The following HDAC4 variants were observed in gnomAD, a reference collection of about 807,000 sequenced individuals.
HDAC4 encodes the protein histone deacetylase A.
Under a neutral mutation model 135.1 loss-of-function variants are expected in HDAC4, and 16 were observed. The ratio of observed to expected loss-of-function variants is 0.12; its 90% CI spans 0.08 to 0.18. HDAC4 has a LOEUF of 0.18. Ranked by LOEUF, HDAC4 falls within the 10% of genes least tolerant of loss-of-function variation. The pLI is 1.00. For synonymous variants in HDAC4, 685 were observed against 653.4 expected, an observed-to-expected ratio of 1.05 and a Z score of -0.74; for missense variants, 1,143 against 1,511.8, an observed-to-expected ratio of 0.76 and a Z score of 4.05.
At chr2:239,354,415 C>G (rs1693355481) in intron 1 of HDAC4, among the ~76,000 whole-genome samples, 1 of 152,168 alleles carries the variant, frequency 6.6e-6, no homozygotes. Context: ...AGATCAGTCA[C>G]TAGATGAACC....
chr2:239,293,765 G>C (rs2051678004), intron 2 of HDAC4, among the ~76,000 whole-genome samples: 1 of 152,208 alleles, frequency 6.6e-6, no homozygotes, highest in Non-Finnish European at 1.5e-5. Flanking sequence ...TATACTGGGA[G>C]GCTAACCTGT....
intron 5 of HDAC4, among the ~76,000 whole-genome samples, chr2:239,164,695 C>T (rs1411871325): frequency 1.3e-5 from 2 of 152,184 alleles, no homozygotes; most frequent in Non-Finnish European, 2.9e-5. Flanking sequence ...ATTCAGATAG[C>T]GTTTGTAATG....
At chr2:239,301,831 C>CA (rs2052288870) in intron 2 of HDAC4, among the ~76,000 whole-genome samples, 1 of 152,166 alleles carries the variant, frequency 6.6e-6, no homozygotes, top group Non-Finnish European at 1.5e-5. Context: ...TCAAATACTA[C>CA]AATGCTACTG....
At chr2:239,191,094 C>A in intron 3 of HDAC4, 1 of 437,298 alleles carries the variant, frequency 2.3e-6, no homozygotes, top group Non-Finnish European at 4.7e-6. Flanking sequence ...CCTGCCTGCT[C>A]CCCTCCCACA....
In HDAC4 at chr2:239,167,444, G is replaced by A. The variant is rs2043180982; in HGVS notation, c.491-3521C>T. 6.6e-6 allele frequency among the ~76,000 whole-genome samples: 1 copy of A among 152,182 alleles called. No homozygotes were observed. The highest frequency in any genetic ancestry group is 1.5e-5 in the Non-Finnish European group (1 of 68,036). On this transcript the variant is annotated intron_variant, in intron 5 of 26. Transcript: ENST00000543185. This position sits in a 1 kb window ranked among gnomAD's most constrained non-coding sequence, Gnocchi z 4.1. The stretch of plus-strand genomic sequence containing the variant: ...TGCAGTGGGGGGCAGACATGACTGG[G>A]GTTCACACCCCACCCATGCCCAGCA...
chr2:239,129,193 A>C (rs1420666769), intron 11 of HDAC4, among the ~76,000 whole-genome samples: 1 of 152,160 alleles, frequency 6.6e-6, no homozygotes, highest in Non-Finnish European at 1.5e-5. Flanking sequence ...TGCAAAACCC[A>C]GGGCCGCCAT....
chr2:239,254,906 G>C (rs1187087502), intron 2 of HDAC4, among the ~76,000 whole-genome samples: 1 of 152,226 alleles, frequency 6.6e-6, no homozygotes, highest in Non-Finnish European at 1.5e-5. Context: ...AGGAAAGTTA[G>C]ATGATCTAAG....
chr2:239,312,608 C>T (rs758705965), intron 2 of HDAC4, among the ~76,000 whole-genome samples: 10 of 152,196 alleles, frequency 6.6e-5, no homozygotes, highest in Non-Finnish European at 1.2e-4. Flanking sequence ...TTCCTCTATG[C>T]GTCCAATGAA....
chr2:239,137,500 G>C (rs2041051724), intron 9 of HDAC4, among the ~76,000 whole-genome samples: 1 of 152,142 alleles, frequency 6.6e-6, no homozygotes, highest in Non-Finnish European at 1.5e-5. Flanking sequence ...TGGCACTGTA[G>C]AGGAGGAGGT....
chr2:239,352,809 G>A lies in HDAC4; in HGVS notation c.-110C>T, dbSNP rs376267808. ...CACCAACACATACAAGTACCGGGAC[G>A]GTGAGGGCTGGGTCACAGACGTTCA... is the stretch of plus-strand genomic sequence containing the variant. On this transcript the variant is annotated 5_prime_UTR_variant, in exon 2 of 27. Transcript: ENST00000543185. The surrounding 1 kb of genome is among the most constrained non-coding windows in gnomAD (Gnocchi z 4.4). 517 of 1,099,804 alleles carry A rather than the reference G, an allele frequency of 4.7e-4. 6 individuals are homozygous for A. The South Asian group carries it at 5.7e-3, about 12-fold the overall frequency. 68.1% of individuals were successfully genotyped at this position (1,099,804 alleles called of 1,614,324 possible). A position where few individuals can be genotyped will look rare whatever the true frequency, so the allele number is the denominator to read the frequency against.
At chr2:239,261,935 G>C (rs556891026) in intron 2 of HDAC4, among the ~76,000 whole-genome samples, 1 of 152,178 alleles carries the variant, frequency 6.6e-6, no homozygotes, top group Middle Eastern at 3.2e-3. Context: ...GAGGGTCCTC[G>C]GGTTGCCTGG....
rs530439842 is a variant in HDAC4, at chr2:239,378,015, T to C, written c.-220+22963A>G. Among the ~76,000 whole-genome samples the C allele has an allele frequency of 2.6e-5, 4 of 152,296 alleles. No individual in the cohort carries two copies. In the East Asian group the frequency reaches 7.7e-4, roughly 29 times the overall value. ...TCAAAAAGAATTATGGCCATTGTCC[T>C]CCAGGGGAGACGTCGCGTCCTGAGG... On this transcript the variant is annotated intron_variant, in intron 1 of 26. Coordinates refer to ENST00000543185, the MANE Select transcript of HDAC4 (RefSeq NM_001378414.1).
intron 22 of HDAC4, among the ~76,000 whole-genome samples, chr2:239,069,418 A>G (rs1409780544): frequency 9.4e-6 from 1 of 106,114 alleles, no homozygotes; most frequent in Non-Finnish European, 2.0e-5. Flanking sequence ...GTCACGGTGC[A>G]AGCCAGCAAG....
chr2:239,157,902 C>T (rs1335834651), intron 6 of HDAC4, among the ~76,000 whole-genome samples: 1 of 152,166 alleles, frequency 6.6e-6, no homozygotes, highest in African/African-American at 2.4e-5. Context: ...GGTGCTGGGC[C>T]GTGCATCACA....
rs900009765 is a variant in HDAC4, at chr2:239,141,194, C to T, written c.866-1398G>A. ...TTAACCCAGCTGGGTGGTGAAGGCG[C>T]ACCTCCTCTGTTGACCACGCTGCCC... is the stretch of plus-strand genomic sequence containing the variant. On this transcript the variant is annotated intron_variant, in intron 8 of 26. Coordinates refer to ENST00000543185, the MANE Select transcript of HDAC4 (RefSeq NM_001378414.1). The surrounding 1 kb of genome is among the most constrained non-coding windows in gnomAD (Gnocchi z 4.9). Among the ~76,000 whole-genome samples, 1 of 152,136 alleles carries T rather than the reference C, an allele frequency of 6.6e-6. No homozygotes were observed. The highest frequency in any genetic ancestry group is 1.5e-5 in the Non-Finnish European group (1 of 68,012).
intron 2 of HDAC4, among the ~76,000 whole-genome samples, chr2:239,290,120 A>G (rs1021635916): frequency 3.3e-5 from 5 of 152,264 alleles, no homozygotes; most frequent in African/African-American, 7.2e-5. Flanking sequence ...AAGACACAAC[A>G]TTAACCAGGA....
intron 5 of HDAC4, among the ~76,000 whole-genome samples, chr2:239,172,323 TA>T (rs1395572378): frequency 6.9e-6 from 1 of 145,108 alleles, no homozygotes; most frequent in Non-Finnish European, 1.5e-5. Context: ...TATATATCAC[TA>T]AAAACATACA....
At chr2:239,097,220 C>T (rs888684017) in intron 16 of HDAC4, among the ~76,000 whole-genome samples, 40 of 152,256 alleles carry the variant, frequency 2.6e-4, no homozygotes, top group African/African-American at 9.6e-4. Context: ...TCCCTCCTCC[C>T]TGCCTGGGCT....
chr2:239,302,409 G>A (rs2052319679), intron 2 of HDAC4, among the ~76,000 whole-genome samples: 1 of 152,220 alleles, frequency 6.6e-6, no homozygotes, highest in South Asian at 2.1e-4. Flanking sequence ...TAAAACACGA[G>A]CAGAGAGAGG....
Sources: allele counts gnomAD v4.1 joint callset (sites outside exome capture counted in the v4.1 genomes callset), GRCh38; gene constraint gnomAD v4.1.1; non-coding constraint Gnocchi (gnomAD v3.1); transcripts MANE v1.5; gene names NCBI Gene and HGNC (gene_info 2026-07-23, HGNC 2026-07-21).